The following RBP2 variants were observed in gnomAD, a reference collection of about 807,000 sequenced individuals.
The protein encoded by RBP2 is retinol binding protein 2.
In RBP2, 17 loss-of-function variants were observed where a neutral mutation model predicts 17.0. The ratio of observed to expected loss-of-function variants is 1.00; its 90% CI spans 0.68 to 1.50. The LOEUF is 1.50. RBP2 is among the 40% of genes most tolerant of loss of function. The pLI, the probability that RBP2 is intolerant of heterozygous loss-of-function variation, is 0.00. For synonymous variants in RBP2, 48 were observed against 57.1 expected (o/e 0.84, Z 0.72); for missense variants, 158 against 168.2 (o/e 0.94, Z 0.33).
intron 2 of RBP2, among the ~76,000 whole-genome samples, chr3:139,461,730 C>T (rs780348786): frequency 4.6e-5 from 7 of 152,224 alleles, no homozygotes; most frequent in Non-Finnish European, 8.8e-5. Context: ...AGGCTTCGCT[C>T]CTCCATGGCA....
intron 2 of RBP2, among the ~76,000 whole-genome samples, chr3:139,460,382 T>C (rs1345568692): frequency 2.6e-5 from 4 of 152,216 alleles, no homozygotes; most frequent in African/African-American, 4.8e-5. Flanking sequence ...ATTTCCATCA[T>C]GCTTTATATT....
At chr3:139,476,224 G>A (rs2107887844) in intron 1 of RBP2, among the ~76,000 whole-genome samples, 163 bp downstream of exon 1, 1 of 152,166 alleles carries the variant, frequency 6.6e-6, no homozygotes, top group South Asian at 2.1e-4. Flanking sequence ...TGAGAAAACT[G>A]AGCCTCAGAG....
rs145076772 is a variant in RBP2 at position 139,474,127 on chromosome 3, C to T, written c.73+2260G>A. 5.1e-3 allele frequency among the ~76,000 whole-genome samples: 775 copies of T among 152,258 alleles called. 7 individuals carry two copies. The highest frequency in any genetic ancestry group is 0.018 in the African/African-American group (755 of 41,562). ...AAGTTTTGGCTGAAGCTTTAAGAGA[C>T]AATAAATATTTGATGCCAAGGAGCA... On this transcript the variant is annotated intron_variant, in intron 1 of 3. Coordinates refer to ENST00000232217, the MANE Select transcript of RBP2 (RefSeq NM_004164.3).
At chr3:139,459,207 TCC>T (rs1933095565) in intron 2 of RBP2, among the ~76,000 whole-genome samples, 1 of 151,886 alleles carries the variant, frequency 6.6e-6, no homozygotes, top group Non-Finnish European at 1.5e-5. Context: ...ATCCTCACAC[TCC>T]CACACGTGTA....
intron 2 of RBP2, among the ~76,000 whole-genome samples, chr3:139,459,680 C>A (rs1443248306): frequency 6.6e-6 from 1 of 151,538 alleles, no homozygotes; most frequent in African/African-American, 2.4e-5. Context: ...TGTCTAGCAC[C>A]CCCTTCCAGC....
At position 139,476,436 on chromosome 3, in the gene RBP2, G is replaced by T. The variant is rs1933740819; in HGVS notation, c.24C>A (p.Thr8=). 6.2e-7 allele frequency: 1 copy of T among 1,613,978 alleles called. No individual in the cohort carries two copies. The highest frequency in any genetic ancestry group is 8.5e-7 in the Non-Finnish European group (1 of 1,179,982). ...AGTTTTCATTACTCTCCATCTCCCA[G>T]GTTCCATTCTGGTCCCTTGTCATGG... MTRDQNG[T]WEMESNENFE... Residue 8 remains threonine, a synonymous_variant, in exon 1 of 4, where the codon ACC becomes ACA. Coordinates refer to ENST00000232217, the MANE Select transcript of RBP2 (RefSeq NM_004164.3).
At position 139,476,509 on chromosome 3, in the gene RBP2, G is replaced by A. The variant is rs1319631353; in HGVS notation, c.-50C>T. 1 of 1,539,034 alleles carries A rather than the reference G, an allele frequency of 6.5e-7. No homozygotes were observed. The highest frequency in any genetic ancestry group is 9.0e-7 in the Non-Finnish European group (1 of 1,112,500). On this transcript the variant is annotated 5_prime_UTR_variant, in exon 1 of 4. Coordinates refer to ENST00000232217, the MANE Select transcript of RBP2 (RefSeq NM_004164.3). ...GGTTTGTGGTGGATGGCAAGGAGCA[G>A]GCTGCAGGGAGAATACACTGGAATG...
At chr3:139,454,656 A>C in intron 3 of RBP2, 73 bp downstream of exon 3, 1 of 1,464,720 alleles carries the variant, frequency 6.8e-7, no homozygotes, top group East Asian at 2.3e-5. Flanking sequence ...TTCTTGTCAA[A>C]ACACCTGGCT....
At chr3:139,470,288 A>G (rs546815420) in intron 1 of RBP2, among the ~76,000 whole-genome samples, 10 of 151,784 alleles carry the variant, frequency 6.6e-5, no homozygotes, top group African/African-American at 1.7e-4. Flanking sequence ...ATTCATTTCT[A>G]TCATTTCCTC....
chr3:139,453,179 A>G lies in RBP2; in HGVS notation c.355-13T>C, dbSNP rs773692449. Reference sequence around the variant, plus strand: ...CACAGGTCAGCTCCTGCAACGTCAGAAAGTGGGTGAGGGTCTAACAAGCCA... The same window carrying G: ...CACAGGTCAGCTCCTGCAACGTCAGGAAGTGGGTGAGGGTCTAACAAGCCA... On this transcript the variant is annotated splice_polypyrimidine_tract_variant and intron_variant, in intron 3 of 3. Coordinates refer to ENST00000232217, the MANE Select transcript of RBP2 (RefSeq NM_004164.3). 6.2e-7 allele frequency: 1 copy of G among 1,614,092 alleles called. No homozygotes were observed. The highest frequency in any genetic ancestry group is 1.7e-5 in the Admixed American group (1 of 60,014).
At chr3:139,468,659 A>AAC (rs1229366152) in intron 1 of RBP2, among the ~76,000 whole-genome samples, 2 of 150,620 alleles carry the variant, frequency 1.3e-5, no homozygotes, top group South Asian at 2.1e-4. Context: ...CACACACACA[A>AAC]ACACACACAC....
At chr3:139,465,128 T>C (rs1167188644) in intron 1 of RBP2, among the ~76,000 whole-genome samples, 6 of 152,006 alleles carry the variant, frequency 3.9e-5, no homozygotes, top group Admixed American at 3.9e-4. Flanking sequence ...AGAGATTGAG[T>C]TGGAAGGAAG....
At chr3:139,460,602 A>C (rs1933153367) in intron 2 of RBP2, among the ~76,000 whole-genome samples, 1 of 152,144 alleles carries the variant, frequency 6.6e-6, no homozygotes, top group Non-Finnish European at 1.5e-5. Flanking sequence ...GGGAGAGTTG[A>C]GACCTCTGAC....
chr3:139,456,537 G>A (rs899042798), intron 2 of RBP2, among the ~76,000 whole-genome samples: 1 of 152,272 alleles, frequency 6.6e-6, no homozygotes, highest in Non-Finnish European at 1.5e-5. Flanking sequence ...GAATATAGCC[G>A]TAGTGTATGG....
At chr3:139,456,502 C>A (rs1183208002) in intron 2 of RBP2, among the ~76,000 whole-genome samples, 1 of 152,176 alleles carries the variant, frequency 6.6e-6, no homozygotes, top group Non-Finnish European at 1.5e-5. Flanking sequence ...TGGTATGGTT[C>A]ATCCCTGCTA....
At chr3:139,468,784 C>G (rs3772877) in intron 1 of RBP2, among the ~76,000 whole-genome samples, 37,226 of 152,054 alleles carry the variant, frequency 0.24, 6,472 homozygotes, top group East Asian at 0.86. Flanking sequence ...TGTTTTATCT[C>G]CTTTTCTGGA....
At chr3:139,472,980 G>A (rs1933614069) in intron 1 of RBP2, among the ~76,000 whole-genome samples, 1 of 152,148 alleles carries the variant, frequency 6.6e-6, no homozygotes, top group Admixed American at 6.5e-5. Flanking sequence ...CTCTCTCCCA[G>A]TATTCTTTCA....
At chr3:139,455,696 A>G (rs1943382188) in intron 2 of RBP2, among the ~76,000 whole-genome samples, 1 of 152,040 alleles carries the variant, frequency 6.6e-6, no homozygotes, top group Non-Finnish European at 1.5e-5. Context: ...TCCCTAAATA[A>G]TCAGGGGGTT....
rs529720306 is a variant in RBP2, at chr3:139,459,317, A to G, written c.252+2795T>C. ...ACGCCTGTAACCCCAGCAGTTTTGGAGGCCGAGGCGGGTGGATCCCTTGAG... is the reference window on the plus strand; with the variant it reads ...ACGCCTGTAACCCCAGCAGTTTTGGGGGCCGAGGCGGGTGGATCCCTTGAG... On this transcript the variant is annotated intron_variant, in intron 2 of 3. Coordinates refer to ENST00000232217, the MANE Select transcript of RBP2 (RefSeq NM_004164.3). 9.2e-5 allele frequency among the ~76,000 whole-genome samples: 14 copies of G among 151,820 alleles called. No homozygotes were observed. In the South Asian group the frequency reaches 2.9e-3, roughly 32 times the overall value.
Sources: allele counts gnomAD v4.1 joint callset (sites outside exome capture counted in the v4.1 genomes callset), GRCh38; gene constraint gnomAD v4.1.1; transcripts MANE v1.5; gene names NCBI Gene and HGNC (gene_info 2026-07-23, HGNC 2026-07-21).